The following MAGED1 variants were observed in gnomAD, a reference collection of about 807,000 sequenced individuals.
MAGED1 encodes MAGE family member D1, also known as melanoma-associated antigen D1.
In MAGED1, 3 loss-of-function variants were observed where a neutral mutation model predicts 54.1. That is an observed-to-expected ratio of 0.06 (90% CI 0.03 to 0.14). The LOEUF is 0.14. Ranked by LOEUF, MAGED1 falls within the 10% of genes least tolerant of loss-of-function variation. MAGED1 has a pLI of 1.00. For missense variants in MAGED1, 485 were observed against 623.4 expected (o/e 0.78, Z 2.36); for synonymous variants, 217 against 227.3 (o/e 0.95, Z 0.41).
chrX:51,854,297 C>T (rs1233461441), intron 1 of MAGED1, among the ~76,000 whole-genome samples: 1 of 112,129 alleles, frequency 8.9e-6, no homozygotes, highest in Non-Finnish European at 1.9e-5. Flanking sequence ...TCCTTTTCAA[C>T]TGCAGTATTT....
intron 1 of MAGED1, among the ~76,000 whole-genome samples, chrX:51,829,010 T>C (rs1336065253): frequency 9.0e-6 from 1 of 111,043 alleles, no homozygotes; most frequent in Non-Finnish European, 1.9e-5. Flanking sequence ...GGCTATTGCA[T>C]TGGGCAGCAC....
chrX:51,822,529 T>C (rs782173638), intron 1 of MAGED1, among the ~76,000 whole-genome samples: 1 of 110,877 alleles, frequency 9.0e-6, no homozygotes, highest in East Asian at 2.8e-4. Context: ...TGTCATTTAT[T>C]TACTCCTTGG....
intron 1 of MAGED1, among the ~76,000 whole-genome samples, chrX:51,806,656 A>G (rs1371130499): frequency 1.8e-5 from 2 of 111,916 alleles, no homozygotes; most frequent in Non-Finnish European, 3.8e-5. Flanking sequence ...TCTTTTGGTG[A>G]TATATTCACA....
intron 1 of MAGED1, among the ~76,000 whole-genome samples, chrX:51,842,706 G>C (rs1926539643): frequency 9.0e-6 from 1 of 111,158 alleles, no homozygotes; most frequent in Non-Finnish European, 1.9e-5. Context: ...TTATTTATAA[G>C]ATGGGGTATC....
chrX:51,844,304 G>A (rs782131862), intron 1 of MAGED1, among the ~76,000 whole-genome samples: 5 of 112,214 alleles, frequency 4.5e-5, no homozygotes, highest in African/African-American at 1.6e-4. Context: ...TTACAGTTTT[G>A]TAGTAAGCAG....
At chrX:51,871,978 G>A (rs1437821698) in intron 1 of MAGED1, among the ~76,000 whole-genome samples, 2 of 111,994 alleles carry the variant, frequency 1.8e-5, no homozygotes, top group Admixed American at 1.9e-4. Flanking sequence ...TAACTGGTGT[G>A]AGATGGTATC....
At chrX:51,816,176 C>T (rs369333517) in intron 1 of MAGED1, among the ~76,000 whole-genome samples, 1 of 108,973 alleles carries the variant, frequency 9.2e-6, no homozygotes, top group Non-Finnish European at 1.9e-5. Context: ...TGCAATGGTG[C>T]GATCTCTGCT....
At chrX:51,895,023 G>T (rs1321547084) in intron 2 of MAGED1, 30 bp from the exon 3 acceptor site, 3 of 1,138,204 alleles carry the variant, frequency 2.6e-6, no homozygotes, top group Non-Finnish European at 3.5e-6. Context: ...GAGGCCCAGA[G>T]ATTTAATTTT....
At chrX:51,871,796 G>A (rs1421694388) in intron 1 of MAGED1, among the ~76,000 whole-genome samples, 3 of 111,615 alleles carry the variant, frequency 2.7e-5, no homozygotes, top group African/African-American at 9.8e-5. Flanking sequence ...ACCTAGTAAT[G>A]GGATGGCTGG....
chrX:51,811,735 G>A (rs1925227518), intron 1 of MAGED1, among the ~76,000 whole-genome samples: 2 of 111,277 alleles, frequency 1.8e-5, no homozygotes, highest in African/African-American at 6.5e-5. Flanking sequence ...AGAATAATAT[G>A]TTCCCAGAGT....
At chrX:51,878,489 G>A (rs1557362222) in intron 1 of MAGED1, among the ~76,000 whole-genome samples, 1 of 111,185 alleles carries the variant, frequency 9.0e-6, no homozygotes, top group African/African-American at 3.3e-5. Context: ...GAGTTTGGAT[G>A]TTATTCATTA....
intron 1 of MAGED1, among the ~76,000 whole-genome samples, chrX:51,869,862 C>G (rs1230646728): frequency 2.7e-5 from 3 of 110,934 alleles, no homozygotes; most frequent in Non-Finnish European, 5.7e-5. Flanking sequence ...AGAGTGAGAC[C>G]CTGTCTCAAA....
At chrX:51,889,588 A>C (rs1928361101), upstream of MAGED1, among the ~76,000 whole-genome samples, 1 of 95,836 alleles carries the variant, frequency 1.0e-5, no homozygotes, top group Non-Finnish European at 2.0e-5. Context: ...AGATCATGCC[A>C]CTGCACTCCA....
chrX:51,896,771 G>A lies in MAGED1; in HGVS notation c.1116G>A (p.Leu372=). Residue 372 remains leucine, a synonymous_variant, in exon 4 of 13, where the codon CTG becomes CTA. Transcript: ENST00000326587. ...WPGPVVWPNP[L]AWQNPPGWQT... The stretch of plus-strand genomic sequence containing the variant: ...GCCCTGTTGTCTGGCCGAATCCACT[G>A]GCCTGGCAGAATCCACCTGGATGGC... The A allele has an allele frequency of 8.3e-7, 1 of 1,210,779 alleles. No individual in the cohort carries two copies. The highest frequency in any genetic ancestry group is 1.1e-6 in the Non-Finnish European group (1 of 894,921).
chrX:51,899,473 C>T (rs1928912161), intron 10 of MAGED1: 1 of 110,160 alleles, frequency 9.1e-6, no homozygotes, highest in South Asian at 3.9e-4. Flanking sequence ...GACTGAGTCT[C>T]ACTCTGTTGC....
chrX:51,828,062 G>T (rs1925921094), intron 1 of MAGED1, among the ~76,000 whole-genome samples: 1 of 111,767 alleles, frequency 8.9e-6, no homozygotes. Flanking sequence ...CAAAATGCTT[G>T]CTAAAATTTT....
intron 1 of MAGED1, among the ~76,000 whole-genome samples, chrX:51,853,302 C>G (rs1324208425): frequency 1.8e-5 from 2 of 111,285 alleles, no homozygotes; most frequent in Non-Finnish European, 3.8e-5. Context: ...TTTGATAATC[C>G]TATTGTTTAA....
intron 1 of MAGED1, among the ~76,000 whole-genome samples, chrX:51,886,685 G>A (rs1928245623): frequency 9.1e-6 from 1 of 110,171 alleles, no homozygotes; most frequent in Non-Finnish European, 1.9e-5. Context: ...GAGTTTAGCA[G>A]GTCACAGGGT....
intron 1 of MAGED1, among the ~76,000 whole-genome samples, chrX:51,829,135 CAG>C (rs1484966975): frequency 2.7e-5 from 3 of 111,057 alleles, no homozygotes; most frequent in Non-Finnish European, 3.8e-5. Flanking sequence ...AAAGAAAAGT[CAG>C]AGAAAAATTG....
Sources: gnomAD v4.1 joint callset for allele counts (sites outside exome capture counted in the v4.1 genomes callset) on GRCh38, gnomAD v4.1.1 for gene constraint, MANE v1.5 for transcripts, NCBI Gene and HGNC (gene_info 2026-07-23, HGNC 2026-07-21) for gene names.